The following ZNF695 variants were observed in gnomAD, a reference collection of about 807,000 sequenced individuals.
The protein encoded by ZNF695 is zinc finger protein 695.
A neutral mutation model predicts 11.2 loss-of-function variants in ZNF695; 11 were observed. The ratio of observed to expected loss-of-function variants is 0.98; its 90% CI spans 0.62 to 1.62. ZNF695 has a LOEUF of 1.62. Ranked by LOEUF, ZNF695 falls within the 40% of genes most tolerant of loss-of-function variation. The pLI, the probability that ZNF695 is intolerant of heterozygous loss-of-function variation, is 0.00. For synonymous variants in ZNF695, 190 were observed against 201.4 expected (o/e 0.94, Z 0.48); for missense variants, 559 against 590.5 (o/e 0.95, Z 0.55).
intron 5 of ZNF695, among the ~76,000 whole-genome samples, chr1:246,958,507 T>C (rs530745232): frequency 2.8e-4 from 43 of 152,272 alleles, no homozygotes; most frequent in African/African-American, 1.0e-3. Context: ...AGCCATCACA[T>C]AGTAAGGAGA....
chr1:246,949,295 A>G (rs1489329854), intron 5 of ZNF695, among the ~76,000 whole-genome samples: 1 of 152,098 alleles, frequency 6.6e-6, no homozygotes, highest in Non-Finnish European at 1.5e-5. Flanking sequence ...CCTCCTAAAG[A>G]GCTCTATCTC....
chr1:246,998,448 G>A (rs1311336440), intron 3 of ZNF695, among the ~76,000 whole-genome samples: 1 of 152,068 alleles, frequency 6.6e-6, no homozygotes, highest in Non-Finnish European at 1.5e-5. Context: ...ACAAAAGAAA[G>A]AAAATTTTTA....
At chr1:246,997,926 C>G (rs1669257454) in intron 3 of ZNF695, among the ~76,000 whole-genome samples, 4 of 152,154 alleles carry the variant, frequency 2.6e-5, no homozygotes, top group Admixed American at 2.6e-4. Context: ...TAAAAGGGCA[C>G]AAACTTTCAG....
At chr1:247,001,309 T>C (rs1417148636) in intron 1 of ZNF695, among the ~76,000 whole-genome samples, 1 of 151,748 alleles carries the variant, frequency 6.6e-6, no homozygotes, top group African/African-American at 2.4e-5. Flanking sequence ...CTAATGCCTG[T>C]AATCAGCACT....
intron 5 of ZNF695, among the ~76,000 whole-genome samples, chr1:246,956,410 G>A (rs1457698112): frequency 1.3e-5 from 2 of 148,616 alleles, no homozygotes; most frequent in African/African-American, 4.9e-5. Flanking sequence ...GAGGTCAGGA[G>A]TTTGAGACCA....
intron 5 of ZNF695, among the ~76,000 whole-genome samples, chr1:246,956,224 G>A (rs550631767): frequency 2.3e-3 from 345 of 150,922 alleles, no homozygotes; most frequent in Non-Finnish European, 3.6e-3. Flanking sequence ...TCCTGACCTC[G>A]TGATCGACCA....
chr1:246,990,000 T>G (rs1222620905), intron 3 of ZNF695, among the ~76,000 whole-genome samples: 2 of 96,272 alleles, frequency 2.1e-5, no homozygotes, highest in African/African-American at 7.6e-5. Flanking sequence ...GACCCCATCT[T>G]GAAAGGGAGA....
chr1:247,000,794 G>A (rs970767276), intron 1 of ZNF695, among the ~76,000 whole-genome samples: 1 of 152,150 alleles, frequency 6.6e-6, no homozygotes, highest in African/African-American at 2.4e-5. Flanking sequence ...ATGCAGGCAC[G>A]GGCCGGGTGC....
chr1:246,963,868 C>G (rs76058186), intron 5 of ZNF695, among the ~76,000 whole-genome samples: 1,564 of 152,272 alleles, frequency 0.01, 23 homozygotes, highest in African/African-American at 0.035. Flanking sequence ...ACTGCCCCTA[C>G]TTTAGATGCC....
In ZNF695 at chr1:246,986,902, C is replaced by A. The variant is rs1668865438; in HGVS notation, c.*65G>T. 3.3e-6 allele frequency: 5 copies of A among 1,507,980 alleles called. No individual in the cohort carries two copies. The East Asian group carries it at 9.1e-5, about 27-fold the overall frequency. 93.4% of individuals were successfully genotyped at this position (1,507,980 alleles called of 1,614,324 possible). On this transcript the variant is annotated 3_prime_UTR_variant, in exon 4 of 4. Coordinates refer to ENST00000339986, the MANE Select transcript of ZNF695 (RefSeq NM_020394.5). ...AACACTCTTATTCAGTAAAAATATT[C>A]TGCTGTGAAGTTGTGAATAGGTATT...
At chr1:246,978,183 A>G (rs1668616809) in intron 4 of ZNF695, among the ~76,000 whole-genome samples, 2 of 152,320 alleles carry the variant, frequency 1.3e-5, no homozygotes, top group African/African-American at 4.8e-5. Flanking sequence ...GGCTATTTAC[A>G]TTGTGCACTG....
intron 5 of ZNF695, chr1:246,967,670 A>G (rs1286301429): frequency 2.8e-6 from 1 of 356,110 alleles, no homozygotes; most frequent in Non-Finnish European, 5.6e-6. Context: ...GTAATTTATA[A>G]AGAAAAGAGA....
chr1:247,005,087 C>A (rs1669494796), intron 1 of ZNF695, among the ~76,000 whole-genome samples: 1 of 152,104 alleles, frequency 6.6e-6, no homozygotes, highest in Non-Finnish European at 1.5e-5. Flanking sequence ...AAAACTAAGC[C>A]TAAAATTTTT....
chr1:246,973,045 C>CAT (rs35647542), intron 4 of ZNF695, among the ~76,000 whole-genome samples: 73,265 of 145,550 alleles, frequency 0.5, 18,180 homozygotes, highest in Admixed American at 0.57. Flanking sequence ...ACACTAAGAA[C>CAT]ATATATATAT....
intron 4 of ZNF695, chr1:246,969,168 CA>C (rs1668362351): frequency 6.6e-6 from 1 of 152,170 alleles, no homozygotes; most frequent in East Asian, 1.9e-4. Flanking sequence ...ATGTAAGTTC[CA>C]GTTTCAGATA....
In ZNF695 at chr1:246,987,370, C is replaced by T. The variant is rs200367255; in HGVS notation, c.1145G>A (p.Cys382Tyr). The change falls in exon 4 of 4, where the codon TGT (cysteine) becomes TAT (tyrosine). Residue 382 changes from cysteine (C) to tyrosine (Y), a missense_variant. Physicochemically the swap from Cys to Tyr is radical, Grantham distance 194. Coordinates refer to ENST00000339986, the MANE Select transcript of ZNF695 (RefSeq NM_020394.5). ...RIHTGEKPYK[C>Y]EECGKAFTWF... ...GGTAAAAGCTTTGCCACATTCCTCA[C>T]ATTTGTATGGTTTCTCACCAGTATG... The T allele has an allele frequency of 1.1e-4, 175 of 1,613,726 alleles. No homozygotes were observed. Among genetic ancestry groups the T allele is most frequent in the East Asian group, 5.6e-4 (25 of 44,868 alleles).
At chr1:246,958,880 G>A (rs749231666) in intron 5 of ZNF695, among the ~76,000 whole-genome samples, 5 of 152,132 alleles carry the variant, frequency 3.3e-5, no homozygotes, top group Non-Finnish European at 7.4e-5. Flanking sequence ...TTAAGAAAGC[G>A]AGTGCCACTC....
At chr1:246,990,012 A>G (rs1328826467) in intron 3 of ZNF695, among the ~76,000 whole-genome samples, 1 of 36,074 alleles carries the variant, frequency 2.8e-5, no homozygotes, top group South Asian at 7.2e-4. Context: ...AAAGGGAGAA[A>G]GGGAGAAAGG....
intron 3 of ZNF695, among the ~76,000 whole-genome samples, chr1:246,997,777 G>T (rs771763049): frequency 6.6e-6 from 1 of 152,044 alleles, no homozygotes; most frequent in African/African-American, 2.4e-5. Flanking sequence ...ATACTAAGTC[G>T]CTAAGTGAAA....
Sources: allele counts gnomAD v4.1 joint callset (sites outside exome capture counted in the v4.1 genomes callset), GRCh38; gene constraint gnomAD v4.1.1; transcripts MANE v1.5; gene names NCBI Gene and HGNC (gene_info 2026-07-23, HGNC 2026-07-21).